EFNA5: variants seen among roughly 807,000 people sequenced by gnomAD.
EFNA5 encodes the protein ephrin-A5.
A neutral mutation model predicts 22.9 loss-of-function variants in EFNA5; 5 were observed. That is an observed-to-expected ratio of 0.22 (90% CI 0.11 to 0.46). The LOEUF (loss-of-function observed/expected upper bound fraction) is 0.46, where lower values mean the gene tolerates loss of function less well. EFNA5 is among the 20% of genes least tolerant of loss of function. The pLI, the probability that EFNA5 is intolerant of heterozygous loss-of-function variation, is 0.99. For synonymous variants in EFNA5, 113 were observed against 112.2 expected (o/e 1.01, Z -0.04); for missense variants, 237 against 293.3 (o/e 0.81, Z 1.40).
chr5:107,495,427 C>T (rs184761811), intron 1 of EFNA5, among the ~76,000 whole-genome samples: 15 of 152,316 alleles, frequency 9.8e-5, no homozygotes, highest in Non-Finnish European at 1.8e-4. Context: ...ACTCCAGACG[C>T]GCCACCTTAA....
chr5:107,638,046 G>A (rs1323851836), intron 1 of EFNA5, among the ~76,000 whole-genome samples: 1 of 151,398 alleles, frequency 6.6e-6, no homozygotes, highest in Non-Finnish European at 1.5e-5. Context: ...GTAGAGACGG[G>A]GTTTCACCAT....
chr5:107,624,783 CA>C (rs1750111647), intron 1 of EFNA5, among the ~76,000 whole-genome samples: 1 of 151,922 alleles, frequency 6.6e-6, no homozygotes, highest in African/African-American at 2.4e-5. Flanking sequence ...ATAATAGTCC[CA>C]AAAAAATTTG....
At chr5:107,402,405 C>T (rs1402654962) in intron 2 of EFNA5, among the ~76,000 whole-genome samples, 2 of 152,090 alleles carry the variant, frequency 1.3e-5, no homozygotes, top group African/African-American at 4.8e-5. Flanking sequence ...TAGGACCATA[C>T]CACAAAACAA....
At chr5:107,412,695 T>A (rs1748401358) in intron 2 of EFNA5, among the ~76,000 whole-genome samples, 1 of 152,180 alleles carries the variant, frequency 6.6e-6, no homozygotes, top group Non-Finnish European at 1.5e-5. Context: ...CACTACAGAT[T>A]TGGATGTCAC....
At chr5:107,480,526 C>A (rs1005880565) in intron 1 of EFNA5, among the ~76,000 whole-genome samples, 4 of 152,174 alleles carry the variant, frequency 2.6e-5, no homozygotes, top group African/African-American at 9.7e-5. Flanking sequence ...AAGCGCTGGC[C>A]TAGGCACTAT....
intron 1 of EFNA5, among the ~76,000 whole-genome samples, chr5:107,572,171 G>C (rs999208848): frequency 1.3e-5 from 2 of 152,034 alleles, no homozygotes; most frequent in African/African-American, 2.4e-5. Flanking sequence ...CGAGAAACCT[G>C]TTCTTATCTG....
intron 2 of EFNA5, among the ~76,000 whole-genome samples, chr5:107,423,323 C>T (rs919591419): frequency 6.6e-6 from 1 of 150,748 alleles, no homozygotes; most frequent in Non-Finnish European, 1.5e-5. Context: ...AAAATAACTG[C>T]AAAACTTCTA....
intron 1 of EFNA5, among the ~76,000 whole-genome samples, chr5:107,642,470 A>AG (rs1750548747): frequency 6.6e-6 from 1 of 151,866 alleles, no homozygotes; most frequent in Non-Finnish European, 1.5e-5. Flanking sequence ...ACTAAAAAAA[A>AG]AAAAAAAAAA....
chr5:107,462,480 T>G (rs1036446206), intron 1 of EFNA5, among the ~76,000 whole-genome samples: 1 of 152,126 alleles, frequency 6.6e-6, no homozygotes, highest in African/African-American at 2.4e-5. Flanking sequence ...GAAAGTTCCA[T>G]GGTAAACGGC....
At chr5:107,490,760 G>C (rs1468071956) in intron 1 of EFNA5, among the ~76,000 whole-genome samples, 2 of 152,122 alleles carry the variant, frequency 1.3e-5, no homozygotes, top group Non-Finnish European at 2.9e-5. Flanking sequence ...GCCTTACAGC[G>C]GCTACTCAGA....
chr5:107,648,306 A>G (rs1056916537), intron 1 of EFNA5, among the ~76,000 whole-genome samples: 2 of 152,172 alleles, frequency 1.3e-5, no homozygotes, highest in Non-Finnish European at 2.9e-5. Context: ...ACATGCAATA[A>G]AAGGGTGTGA....
At chr5:107,397,407 G>C (rs1002612860) in intron 2 of EFNA5, among the ~76,000 whole-genome samples, 12 of 152,202 alleles carry the variant, frequency 7.9e-5, no homozygotes, top group African/African-American at 2.9e-4. Flanking sequence ...AAATTGGTGG[G>C]GCGTGGTGGC....
intron 1 of EFNA5, among the ~76,000 whole-genome samples, chr5:107,482,852 CTCTCTCTCTCTCTCTCTCTATATATA>C (rs1561406361): frequency 2.1e-4 from 14 of 67,770 alleles, no homozygotes; most frequent in South Asian, 1.5e-3. Flanking sequence ...CTCTCTCTCT[CTCTCTCTCTCTCTCTCTCTATATATA>C]TATATATATA....
At chr5:107,416,616 T>C (rs1019409053) in intron 2 of EFNA5, among the ~76,000 whole-genome samples, 17 of 152,308 alleles carry the variant, frequency 1.1e-4, no homozygotes, top group Admixed American at 5.9e-4. Context: ...AGAACAAGTG[T>C]TACCGGAGGA....
intron 2 of EFNA5, among the ~76,000 whole-genome samples, chr5:107,393,243 T>C (rs1033816516): frequency 5.3e-5 from 8 of 152,174 alleles, no homozygotes; most frequent in African/African-American, 7.2e-5. Flanking sequence ...AAACTCCTAT[T>C]AGTTATCTTC....
rs1747426866 is a variant in EFNA5, at chr5:107,380,660, AC to A, written c.*594del. On this transcript the variant is annotated 3_prime_UTR_variant, in exon 5 of 5. Coordinates refer to ENST00000333274, the MANE Select transcript of EFNA5 (RefSeq NM_001962.3). ...TAAGACAGTCATATTAAAAAAAAAA[AC>A]CAGTGTCTCAACCTTTTAGAAGCCT... 1 of 396,348 alleles carries A rather than the reference AC, an allele frequency of 2.5e-6. No homozygotes were observed. 24.6% of individuals were successfully genotyped at this position (396,348 alleles called of 1,614,324 possible). A position where few individuals can be genotyped will look rare whatever the true frequency, so the allele number is the denominator to read the frequency against.
intron 1 of EFNA5, among the ~76,000 whole-genome samples, chr5:107,655,490 C>T (rs1370456064): frequency 1.3e-5 from 2 of 151,938 alleles, no homozygotes; most frequent in African/African-American, 2.4e-5. Context: ...TATGTTAGAC[C>T]CAGTATTTTT....
chr5:107,405,086 G>T (rs936941854), intron 2 of EFNA5, among the ~76,000 whole-genome samples: 6 of 152,182 alleles, frequency 3.9e-5, no homozygotes, highest in African/African-American at 1.4e-4. Context: ...AACAAACACA[G>T]TAACCTAATG....
chr5:107,471,817 T>C (rs1750149685), intron 1 of EFNA5, among the ~76,000 whole-genome samples: 2 of 152,204 alleles, frequency 1.3e-5, no homozygotes, highest in African/African-American at 4.8e-5. Flanking sequence ...CATCAAAGAA[T>C]ACAGTATTCT....
Sources: gnomAD v4.1 joint callset for allele counts (sites outside exome capture counted in the v4.1 genomes callset) on GRCh38, gnomAD v4.1.1 for gene constraint, MANE v1.5 for transcripts, NCBI Gene and HGNC (gene_info 2026-07-23, HGNC 2026-07-21) for gene names.